UEVLD: variants seen among roughly 807,000 people sequenced by gnomAD.
UEVLD encodes the protein UEV and lactate/malate dehyrogenase domains, also known as ubiquitin-conjugating enzyme E2 variant 3.
Under a neutral mutation model 58.6 loss-of-function variants are expected in UEVLD, and 47 were observed. That is an observed-to-expected ratio of 0.80 (90% CI 0.63 to 1.02). The LOEUF (loss-of-function observed/expected upper bound fraction) is 1.02, where lower values mean the gene tolerates loss of function less well. Among genes scored for constraint, UEVLD ranks in the 50% least tolerant of loss-of-function variants. The probability of loss-of-function intolerance (pLI) is 0.00; values close to 1 mark genes in which losing one functional copy is unlikely to be tolerated. For synonymous variants in UEVLD, 197 were observed against 195.3 expected (o/e 1.01, Z -0.07); for missense variants, 510 against 550.6 (o/e 0.93, Z 0.74).
intron 7 of UEVLD, among the ~76,000 whole-genome samples, chr11:18,554,681 G>A (rs1189323781): frequency 6.6e-6 from 1 of 151,846 alleles, no homozygotes; most frequent in Non-Finnish European, 1.5e-5. Context: ...TACAGGCATG[G>A]GACACCGTGC....
In UEVLD at chr11:18,578,803, C is replaced by T; in HGVS notation, c.48G>A (p.Lys16=). 6.3e-7 allele frequency: 1 copy of T among 1,594,512 alleles called. No individual in the cohort carries two copies. Among genetic ancestry groups the T allele is most frequent in the Non-Finnish European group, 8.5e-7 (1 of 1,172,096 alleles). Reference sequence around the variant, plus strand: ...GTTCTTCCACAGTTAGGTCCCTGAACTTGTACTGAAAAGAGAAAAATAAGC... The same window carrying T: ...GTTCTTCCACAGTTAGGTCCCTGAATTTGTACTGAAAAGAGAAAAATAAGC... ...EGLRRLLGKY[K]FRDLTVEELR... is the part of the protein sequence containing the mutation. Residue 16 remains lysine, a synonymous_variant, in exon 2 of 12, where the codon AAG becomes AAA. Transcript: ENST00000396197.
Position 18,588,644 on chromosome 11 carries a change from T to A in UEVLD, c.11A>T (p.Asp4Val). 6.2e-7 allele frequency: 1 copy of A among 1,609,802 alleles called. No individual in the cohort carries two copies. The highest frequency in any genetic ancestry group is 8.5e-7 in the Non-Finnish European group (1 of 1,179,844). Residue 4 changes from aspartate (D) to valine (V), a missense_variant, in exon 1 of 12, where the codon GAC becomes GTC. Transcript: ENST00000396197. Reference sequence around the variant, plus strand: ...AAGCAGCCGTCTCAGGCCCTCGCAGTCGAACTCCATCTCCAGGCCGGTCCC... The same window carrying A: ...AAGCAGCCGTCTCAGGCCCTCGCAGACGAACTCCATCTCCAGGCCGGTCCC... MEF[D>V]CEGLRRLLGK...
intron 9 of UEVLD, among the ~76,000 whole-genome samples, chr11:18,540,917 C>T (rs530039222): frequency 6.6e-6 from 1 of 152,270 alleles, no homozygotes; most frequent in African/African-American, 2.4e-5. Flanking sequence ...GTTTATTGAG[C>T]AAAGCAGGTG....
intron 1 of UEVLD, among the ~76,000 whole-genome samples, chr11:18,581,408 G>T (rs1472212974): frequency 1.3e-5 from 2 of 152,148 alleles, no homozygotes; most frequent in African/African-American, 4.8e-5. Context: ...GTTAAGCCAG[G>T]CATGGTGGCT....
At position 18,532,137 on chromosome 11, in the gene UEVLD, C is replaced by A; in HGVS notation, c.*183G>T. 1 of 456,380 alleles carries A rather than the reference C, an allele frequency of 2.2e-6. No homozygotes were observed. The allele number at this position is 456,380 out of a possible 1,614,324, so 28.3% of individuals were successfully genotyped here. A position where few individuals can be genotyped will look rare whatever the true frequency, so the allele number is the denominator to read the frequency against. On this transcript the variant is annotated 3_prime_UTR_variant, in exon 12 of 12. Coordinates refer to ENST00000396197, the MANE Select transcript of UEVLD (RefSeq NM_001040697.4). ...AGAACCCCAAATAAAATTAATTTTT[C>A]CCCTCCTTGTATAACTCCTTAAGGA...
At chr11:18,562,816 G>A (rs1852107064) in intron 6 of UEVLD, among the ~76,000 whole-genome samples, 1 of 152,100 alleles carries the variant, frequency 6.6e-6, no homozygotes, top group African/African-American at 2.4e-5. Flanking sequence ...GGGAGGCCAA[G>A]GCAGGAAGAT....
rs562100489 is a variant in UEVLD, at chr11:18,537,150, C to T, written c.1061-681G>A. On this transcript the variant is annotated intron_variant, in intron 9 of 11. Transcript: ENST00000396197. The stretch of plus-strand genomic sequence containing the variant: ...TCCTGACCTCGTAATCCACCTGCTT[C>T]GGCCTCCCAAAGTGCTAGGATTACA... Among the ~76,000 whole-genome samples the T allele has an allele frequency of 5.9e-5, 9 of 151,576 alleles. No homozygotes were observed. The South Asian group carries it at 1.5e-3, about 25-fold the overall frequency.
chr11:18,588,543 CCT>C, intron 1 of UEVLD, 68 bp downstream of exon 1: 1 of 1,568,944 alleles, frequency 6.4e-7, no homozygotes, highest in Non-Finnish European at 8.6e-7. Flanking sequence ...ACGGAGGCAA[CCT>C]GGCCAAAGGC....
At chr11:18,583,121 A>C (rs1331900546) in intron 1 of UEVLD, among the ~76,000 whole-genome samples, 1 of 151,630 alleles carries the variant, frequency 6.6e-6, no homozygotes. Context: ...ACAGGGTTTC[A>C]CCAAGTTGGC....
intron 6 of UEVLD, among the ~76,000 whole-genome samples, chr11:18,561,661 G>A (rs1852039318): frequency 6.6e-6 from 1 of 152,080 alleles, no homozygotes. Context: ...GGCCAACATG[G>A]TGAAACCCCG....
chr11:18,553,022 G>A (rs1232516824), intron 7 of UEVLD, among the ~76,000 whole-genome samples: 1 of 151,970 alleles, frequency 6.6e-6, no homozygotes, highest in Non-Finnish European at 1.5e-5. Context: ...AGGCATGGTG[G>A]CATGCGCCTA....
intron 9 of UEVLD, among the ~76,000 whole-genome samples, chr11:18,542,895 T>C (rs1394951309): frequency 4.3e-4 from 63 of 146,392 alleles, no homozygotes; most frequent in Non-Finnish European, 6.0e-4. Context: ...CTTTTCTTTT[T>C]TTTTTTTTTT....
At chr11:18,566,209 G>T in intron 5 of UEVLD, 138 bp downstream of exon 5, 1 of 1,282,810 alleles carries the variant, frequency 7.8e-7, no homozygotes, top group Non-Finnish European at 1.1e-6. Context: ...TGAGGCACAG[G>T]AATTTCTTAT....
chr11:18,556,153 G>A (rs1261462450), intron 7 of UEVLD, among the ~76,000 whole-genome samples: 1 of 152,132 alleles, frequency 6.6e-6, no homozygotes, highest in African/African-American at 2.4e-5. Flanking sequence ...GAGACACACA[G>A]GAAGAAACAA....
intron 7 of UEVLD, among the ~76,000 whole-genome samples, chr11:18,549,058 C>T (rs1446129294): frequency 1.3e-5 from 2 of 152,176 alleles, no homozygotes; most frequent in African/African-American, 2.4e-5. Flanking sequence ...CAACAATACA[C>T]AATGGAGTAT....
rs1025198155 is a variant in UEVLD at position 18,538,471 on chromosome 11, G to A, written c.1061-2002C>T. ...TGGGATCACAGGTGTGCACCCCCAC[G>A]CCCGGGTAATTTTGTATTTTTAGTA... On this transcript the variant is annotated intron_variant, in intron 9 of 11. Transcript: ENST00000396197. 1.1e-4 allele frequency among the ~76,000 whole-genome samples: 17 copies of A among 151,430 alleles called. No individual in the cohort carries two copies. In the East Asian group the frequency reaches 2.8e-3, roughly 25 times the overall value.
chr11:18,579,558 C>A (rs1853123700), intron 1 of UEVLD: 1 of 929,648 alleles, frequency 1.1e-6, no homozygotes, highest in South Asian at 5.0e-5. Flanking sequence ...CCTGGCACTG[C>A]ATCCTGGGTT....
intron 3 of UEVLD, among the ~76,000 whole-genome samples, chr11:18,572,002 C>A (rs1390646874): frequency 6.6e-6 from 1 of 151,592 alleles, no homozygotes; most frequent in Non-Finnish European, 1.5e-5. Flanking sequence ...TTTGGGAGGC[C>A]AAGGCGGACA....
intron 9 of UEVLD, among the ~76,000 whole-genome samples, chr11:18,540,716 T>A (rs887856144): frequency 2.0e-5 from 3 of 152,210 alleles, no homozygotes; most frequent in African/African-American, 7.2e-5. Flanking sequence ...CCTACATCTC[T>A]CTATTTCTAG....
Sources: allele counts gnomAD v4.1 joint callset (sites outside exome capture counted in the v4.1 genomes callset), GRCh38; gene constraint gnomAD v4.1.1; transcripts MANE v1.5; gene names NCBI Gene and HGNC (gene_info 2026-07-23, HGNC 2026-07-21).